TMEM108: variants seen among roughly 807,000 people sequenced by gnomAD.
The protein encoded by TMEM108 is transmembrane protein 108, also known as cancer/testis antigen 124.
A neutral mutation model predicts 35.1 loss-of-function variants in TMEM108; 12 were observed. The ratio of observed to expected loss-of-function variants is 0.34; its 90% CI spans 0.22 to 0.55. The LOEUF is 0.55. Among genes scored for constraint, TMEM108 ranks in the 20% least tolerant of loss-of-function variants. The pLI, the probability that TMEM108 is intolerant of heterozygous loss-of-function variation, is 0.89. For missense variants in TMEM108, 680 were observed against 753.3 expected, an observed-to-expected ratio of 0.90 and a Z score of 1.14; for synonymous variants, 287 against 308.6, an observed-to-expected ratio of 0.93 and a Z score of 0.73.
intron 3 of TMEM108, among the ~76,000 whole-genome samples, chr3:133,258,238 T>C (rs563443267): frequency 4.4e-4 from 67 of 152,234 alleles, no homozygotes; most frequent in Non-Finnish European, 8.4e-4. Flanking sequence ...CAGCGGGCCC[T>C]CACCAGAAAC....
At chr3:133,185,964 C>G (rs771486751) in intron 2 of TMEM108, among the ~76,000 whole-genome samples, 1 of 151,832 alleles carries the variant, frequency 6.6e-6, no homozygotes, top group Non-Finnish European at 1.5e-5. Context: ...GACAAGGTTT[C>G]ACCATGTTGG....
intron 2 of TMEM108, among the ~76,000 whole-genome samples, 178 bp downstream of exon 2, chr3:133,046,198 C>G (rs1185367753): frequency 6.6e-6 from 1 of 152,164 alleles, no homozygotes; most frequent in African/African-American, 2.4e-5. Flanking sequence ...GAAGAGAAAA[C>G]CATGACCGAG....
chr3:133,135,007 CA>C (rs958772213), intron 2 of TMEM108, among the ~76,000 whole-genome samples: 2 of 152,142 alleles, frequency 1.3e-5, no homozygotes, highest in Non-Finnish European at 2.9e-5. Context: ...CTCCAAAATT[CA>C]AAGACATATC....
chr3:133,306,540 C>T (rs2071040561), intron 3 of TMEM108, among the ~76,000 whole-genome samples: 1 of 152,068 alleles, frequency 6.6e-6, no homozygotes, highest in Non-Finnish European at 1.5e-5. Flanking sequence ...TGACAGTTCC[C>T]AGTGTGTGAT....
chr3:133,194,055 G>A (rs934043026), intron 2 of TMEM108, among the ~76,000 whole-genome samples: 11 of 151,396 alleles, frequency 7.3e-5, no homozygotes, highest in African/African-American at 2.7e-4. Flanking sequence ...TCCTGCCTCA[G>A]TCTCCTGAGT....
In TMEM108 at chr3:133,145,949, C is replaced by T. The variant is rs568334190; in HGVS notation, c.-46-83317C>T. On this transcript the variant is annotated intron_variant, in intron 2 of 5. Transcript: ENST00000321871. ...GACTTCCTCTCTTCCTATTTGAATACGCTTTATTTCTTTCTCTTGCCTGAT... is the reference window on the plus strand; with the variant it reads ...GACTTCCTCTCTTCCTATTTGAATATGCTTTATTTCTTTCTCTTGCCTGAT... 3.4e-4 allele frequency among the ~76,000 whole-genome samples: 51 copies of T among 152,216 alleles called. 1 individual carries two copies. Among genetic ancestry groups the T allele is most frequent in the African/African-American group, 9.6e-4 (40 of 41,520 alleles).
At chr3:133,368,363 CT>C (rs1284447935) in intron 3 of TMEM108, among the ~76,000 whole-genome samples, 1 of 152,224 alleles carries the variant, frequency 6.6e-6, no homozygotes, top group Non-Finnish European at 1.5e-5. Context: ...AGACTTGTCT[CT>C]GTAAAATCCA....
At chr3:133,268,881 T>C (rs952671866) in intron 3 of TMEM108, among the ~76,000 whole-genome samples, 2 of 152,250 alleles carry the variant, frequency 1.3e-5, no homozygotes, top group African/African-American at 4.8e-5. Context: ...ATATCCTGAT[T>C]TCCAGATGAC....
chr3:133,143,070 C>CA (rs1047773619), intron 2 of TMEM108, among the ~76,000 whole-genome samples: 4 of 151,932 alleles, frequency 2.6e-5, no homozygotes, highest in African/African-American at 9.7e-5. Context: ...ACATAGATAG[C>CA]AAAAAAACTA....
chr3:133,361,577 G>A (rs1453293198), intron 3 of TMEM108, among the ~76,000 whole-genome samples: 1 of 152,186 alleles, frequency 6.6e-6, no homozygotes, highest in Non-Finnish European at 1.5e-5. Flanking sequence ...CTCGGCTTCC[G>A]TTGGCATCAG....
intron 5 of TMEM108, among the ~76,000 whole-genome samples, chr3:133,393,048 C>A (rs2107863645): frequency 6.6e-6 from 1 of 152,326 alleles, no homozygotes; most frequent in African/African-American, 2.4e-5. Flanking sequence ...ACCACCTGAG[C>A]CCCCACCACA....
intron 3 of TMEM108, among the ~76,000 whole-genome samples, chr3:133,237,248 T>C (rs9820056): frequency 0.2 from 30,935 of 151,914 alleles, 3,672 homozygotes; most frequent in Middle Eastern, 0.32. Context: ...GATTTTGCAA[T>C]CCCAAATACA....
At chr3:133,173,085 C>A (rs1945154620) in intron 2 of TMEM108, among the ~76,000 whole-genome samples, 1 of 152,164 alleles carries the variant, frequency 6.6e-6, no homozygotes, top group South Asian at 2.1e-4. Flanking sequence ...AGCATGAGAA[C>A]AGACTACCAC....
intron 2 of TMEM108, among the ~76,000 whole-genome samples, chr3:133,055,131 TA>T (rs1459494587): frequency 2.6e-5 from 4 of 152,176 alleles, no homozygotes; most frequent in Non-Finnish European, 5.9e-5. Flanking sequence ...ATTGAATTTT[TA>T]AAAATAAAAA....
At chr3:133,211,228 G>A (rs964068046) in intron 2 of TMEM108, among the ~76,000 whole-genome samples, 1 of 152,100 alleles carries the variant, frequency 6.6e-6, no homozygotes, top group Non-Finnish European at 1.5e-5. Flanking sequence ...AAACGTTCTG[G>A]TAAGAACTGT....
intron 3 of TMEM108, among the ~76,000 whole-genome samples, chr3:133,271,194 G>A (rs1946766789): frequency 6.6e-6 from 1 of 152,148 alleles, no homozygotes; most frequent in Non-Finnish European, 1.5e-5. Flanking sequence ...GACCAGGCAA[G>A]ACTCAGCTCA....
chr3:133,355,584 T>C (rs9289443), intron 3 of TMEM108, among the ~76,000 whole-genome samples: 33,012 of 152,186 alleles, frequency 0.22, 4,174 homozygotes, highest in Middle Eastern at 0.31. Flanking sequence ...GAATTTGATA[T>C]TCATGGAACA....
At chr3:133,244,482 T>G (rs140619720) in intron 3 of TMEM108, among the ~76,000 whole-genome samples, 15 of 152,322 alleles carry the variant, frequency 9.8e-5, no homozygotes, top group African/African-American at 3.6e-4. Context: ...AAGGGCTGAT[T>G]GTTAAACATT....
chr3:133,373,147 G>A (rs1043200420), intron 3 of TMEM108, among the ~76,000 whole-genome samples: 1 of 152,038 alleles, frequency 6.6e-6, no homozygotes. Context: ...CAGGCAGATT[G>A]CTTGAACCCA....
Sources: allele counts gnomAD v4.1 joint callset (sites outside exome capture counted in the v4.1 genomes callset), GRCh38; gene constraint gnomAD v4.1.1; transcripts MANE v1.5; gene names NCBI Gene and HGNC (gene_info 2026-07-23, HGNC 2026-07-21).